EPHA6: variants seen among roughly 807,000 people sequenced by gnomAD.
The protein encoded by EPHA6 is EPH receptor A6, also known as ephrin type-A receptor 6.
In EPHA6, 50 loss-of-function variants were observed where a neutral mutation model predicts 112.0. The ratio of observed to expected loss-of-function variants is 0.45; its 90% confidence interval spans 0.36 to 0.56. The LOEUF (loss-of-function observed/expected upper bound fraction) is 0.56, where lower values mean the gene tolerates loss of function less well. Ranked by LOEUF, EPHA6 falls within the 20% of genes least tolerant of loss-of-function variation. The pLI is 0.00. For missense variants in EPHA6, 1,280 were observed against 1,417.4 expected (o/e 0.90, Z 1.56); for synonymous variants, 529 against 490.7 (o/e 1.08, Z -1.03).
In EPHA6 at chr3:97,714,150, T is replaced by C. The variant is rs192738569; in HGVS notation, c.2785-6111T>C. Among the ~76,000 whole-genome samples the C allele has an allele frequency of 3.3e-3, 509 of 152,328 alleles. 3 individuals carry two copies. The highest frequency in any genetic ancestry group is 0.011 in the African/African-American group (467 of 41,554). ...AGTTCAGTGATTCCACATGAAGGAA[T>C]TGAGATGCTGATCTGGGCTGGAAGC... On this transcript the variant is annotated intron_variant, in intron 14 of 17. Transcript: ENST00000389672.
chr3:97,695,345 T>C (rs1452163465), intron 14 of EPHA6, among the ~76,000 whole-genome samples: 1 of 152,226 alleles, frequency 6.6e-6, no homozygotes, highest in Non-Finnish European at 1.5e-5. Flanking sequence ...GGTGAGGTTG[T>C]AAAAGCACTG....
chr3:97,028,683 A>G (rs1440321054), intron 3 of EPHA6, among the ~76,000 whole-genome samples: 1 of 152,050 alleles, frequency 6.6e-6, no homozygotes, highest in Admixed American at 6.6e-5. Context: ...ATCATTATTC[A>G]TGTGCTGTTT....
intron 3 of EPHA6, chr3:96,994,342 A>T (rs1373285472): frequency 2.1e-5 from 5 of 234,338 alleles, no homozygotes; most frequent in Non-Finnish European, 4.4e-5. Context: ...GGACATGTTG[A>T]TGTTACAGAT....
chr3:97,044,015 A>T (rs534169399), intron 3 of EPHA6, among the ~76,000 whole-genome samples: 30 of 152,190 alleles, frequency 2.0e-4, no homozygotes, highest in African/African-American at 6.7e-4. Flanking sequence ...ATCTCTCTCT[A>T]TTTCTCCAAT....
intron 11 of EPHA6, among the ~76,000 whole-genome samples, chr3:97,546,096 A>G (rs2092943249): frequency 6.6e-6 from 1 of 152,196 alleles, no homozygotes; most frequent in Non-Finnish European, 1.5e-5. Flanking sequence ...TGTGAATTTG[A>G]TCCTATCATT....
intron 11 of EPHA6, among the ~76,000 whole-genome samples, chr3:97,561,999 G>A (rs1278988665): frequency 6.6e-6 from 1 of 152,052 alleles, no homozygotes. Context: ...AATATTTTGA[G>A]GCTACTATTG....
intron 14 of EPHA6, among the ~76,000 whole-genome samples, chr3:97,678,575 A>G (rs1288762256): frequency 6.6e-6 from 1 of 152,190 alleles, no homozygotes; most frequent in African/African-American, 2.4e-5. Flanking sequence ...CCCTGCTGTG[A>G]AAGCAGAGAA....
chr3:97,494,061 GA>G (rs2091917397), intron 10 of EPHA6, among the ~76,000 whole-genome samples: 1 of 152,166 alleles, frequency 6.6e-6, no homozygotes, highest in African/African-American at 2.4e-5. Context: ...TAAGTGCTTT[GA>G]CCAGGATGTA....
At chr3:97,128,174 TG>T (rs1225578455) in intron 3 of EPHA6, among the ~76,000 whole-genome samples, 1 of 152,204 alleles carries the variant, frequency 6.6e-6, no homozygotes, top group Non-Finnish European at 1.5e-5. Flanking sequence ...CCCAAGTTGC[TG>T]CAAAAGGCAT....
chr3:97,620,112 A>C (rs1196822631), intron 13 of EPHA6, among the ~76,000 whole-genome samples: 1 of 152,012 alleles, frequency 6.6e-6, no homozygotes, highest in Non-Finnish European at 1.5e-5. Flanking sequence ...AAATAAGACT[A>C]CACACCTACA....
chr3:97,716,094 C>T (rs2034204551), intron 14 of EPHA6, among the ~76,000 whole-genome samples: 1 of 152,124 alleles, frequency 6.6e-6, no homozygotes, highest in Admixed American at 6.5e-5. Flanking sequence ...ATTGTGATTT[C>T]AAATCTAAAG....
chr3:97,754,648 G>A lies in EPHA6; in HGVS notation c.*5947G>A, dbSNP rs568125366. Among the ~76,000 whole-genome samples, 17 of 152,296 alleles carry A rather than the reference G, an allele frequency of 1.1e-4. No individual in the cohort carries two copies. Among genetic ancestry groups the A allele is most frequent in the South Asian group, 8.3e-4 (4 of 4,826 alleles). ...AACTGCAAAGTTTGTATATCTCAGT[G>A]ACATCAAGTGATTTTTGCACTGTCC... is the stretch of plus-strand genomic sequence containing the variant. On this transcript the variant is annotated 3_prime_UTR_variant, in exon 18 of 18. Coordinates refer to ENST00000389672, the MANE Select transcript of EPHA6 (RefSeq NM_001080448.3).
chr3:97,130,912 G>T (rs188388295), intron 3 of EPHA6, among the ~76,000 whole-genome samples: 19 of 152,150 alleles, frequency 1.2e-4, no homozygotes, highest in African/African-American at 4.6e-4. Context: ...TGATATGTTC[G>T]TGAAGAAATT....
chr3:97,129,114 C>T (rs2048264785), intron 3 of EPHA6, among the ~76,000 whole-genome samples: 1 of 151,912 alleles, frequency 6.6e-6, no homozygotes, highest in African/African-American at 2.4e-5. Context: ...ATCTTGGCCT[C>T]TGAAAGTGCT....
chr3:97,655,112 A>G (rs1470643083), intron 14 of EPHA6, among the ~76,000 whole-genome samples: 2 of 147,978 alleles, frequency 1.4e-5, no homozygotes, highest in East Asian at 3.9e-4. Context: ...TATATTATAT[A>G]TTATATATTT....
At chr3:97,343,212 A>G (rs1331143273) in intron 5 of EPHA6, among the ~76,000 whole-genome samples, 1 of 152,198 alleles carries the variant, frequency 6.6e-6, no homozygotes, top group Admixed American at 6.5e-5. Flanking sequence ...GAAGTCTCAA[A>G]CAGAAATGAA....
At chr3:97,561,623 C>T (rs2093193791) in intron 11 of EPHA6, among the ~76,000 whole-genome samples, 1 of 152,060 alleles carries the variant, frequency 6.6e-6, no homozygotes, top group African/African-American at 2.4e-5. Context: ...CAAGGCAAAG[C>T]AGCAAGTGTT....
In EPHA6 at chr3:97,415,539, A is replaced by G. The variant is rs573178675; in HGVS notation, c.1731+10265A>G. ...GGGTATGAATTTGTGAAAGGACAAAACAAACTCAAACTGGTCCTGTGTAAT... is the reference window on the plus strand; with the variant it reads ...GGGTATGAATTTGTGAAAGGACAAAGCAAACTCAAACTGGTCCTGTGTAAT... On this transcript the variant is annotated intron_variant, in intron 6 of 17. Transcript: ENST00000389672. 2.6e-4 allele frequency among the ~76,000 whole-genome samples: 39 copies of G among 152,202 alleles called. No individual in the cohort carries two copies. In the South Asian group the frequency reaches 7.5e-3, roughly 29 times the overall value.
Position 96,946,174 on chromosome 3 carries a change from C to CT in EPHA6, c.451-41147dup, listed in dbSNP as rs144293452. On this transcript the variant is annotated intron_variant, in intron 2 of 17. Coordinates refer to ENST00000389672, the MANE Select transcript of EPHA6 (RefSeq NM_001080448.3). ...CTTTTCCCTATATGATAGCTCATTTCTTTTTTTTTATTATTATACTTTAAG... is the reference window on the plus strand; with the variant it reads ...CTTTTCCCTATATGATAGCTCATTTCTTTTTTTTTTATTATTATACTTTAAG... Among the ~76,000 whole-genome samples, 32 of 151,168 alleles carry CT rather than the reference C, an allele frequency of 2.1e-4. No individual in the cohort carries two copies. In the South Asian group the frequency reaches 2.5e-3, roughly 12 times the overall value.
Sources: gnomAD v4.1 joint callset for allele counts (sites outside exome capture counted in the v4.1 genomes callset) on GRCh38, gnomAD v4.1.1 for gene constraint, MANE v1.5 for transcripts, NCBI Gene and HGNC (gene_info 2026-07-23, HGNC 2026-07-21) for gene names.